Variants in ITGBL1 observed in about 807,000 individuals in gnomAD.
The protein encoded by ITGBL1 is integrin beta-like protein 1.
In ITGBL1, 51 loss-of-function variants were observed where a neutral mutation model predicts 68.5. That is an observed-to-expected ratio of 0.74 (90% CI 0.59 to 0.94). The LOEUF (loss-of-function observed/expected upper bound fraction) is 0.94. Among genes scored for constraint, ITGBL1 ranks in the 40% least tolerant of loss-of-function variants. ITGBL1 has a pLI of 0.00. For synonymous variants in ITGBL1, 209 were observed against 227.3 expected (o/e 0.92, Z 0.72); for missense variants, 649 against 647.4 (o/e 1.00, Z -0.03).
intron 3 of ITGBL1, among the ~76,000 whole-genome samples, chr13:101,570,735 A>G (rs910284599): frequency 1.3e-5 from 2 of 152,182 alleles, no homozygotes; most frequent in Non-Finnish European, 2.9e-5. Flanking sequence ...TATTTAGTCT[A>G]TCCTGTTGGA....
chr13:101,495,466 C>A (rs1279987907), intron 2 of ITGBL1, among the ~76,000 whole-genome samples: 1 of 152,168 alleles, frequency 6.6e-6, no homozygotes, highest in African/African-American at 2.4e-5. Context: ...GTTCTCATCT[C>A]ATCCCCTCAA....
intron 7 of ITGBL1, among the ~76,000 whole-genome samples, chr13:101,669,007 C>A (rs763624812): frequency 5.9e-5 from 9 of 151,802 alleles, no homozygotes; most frequent in Admixed American, 4.6e-4. Context: ...AAATGCTTAC[C>A]TCCTAGGCTT....
intron 7 of ITGBL1, among the ~76,000 whole-genome samples, chr13:101,626,304 C>T (rs2031777270): frequency 1.3e-5 from 2 of 152,152 alleles, no homozygotes; most frequent in African/African-American, 4.8e-5. Flanking sequence ...CATCTTTGAT[C>T]TATTAAGCAC....
downstream of ITGBL1, chr13:101,720,491 G>C (rs2034893934): frequency 6.6e-6 from 1 of 151,474 alleles, no homozygotes; most frequent in African/African-American, 2.4e-5. Context: ...CCAGCAAGTA[G>C]GGCTAATTAT....
chr13:101,602,097 G>A (rs1051287553), intron 7 of ITGBL1, among the ~76,000 whole-genome samples: 3 of 152,044 alleles, frequency 2.0e-5, no homozygotes, highest in Admixed American at 1.3e-4. Flanking sequence ...TTCAATTTCA[G>A]TTCAGTTCAG....
chr13:101,557,271 T>C (rs1052921668), intron 2 of ITGBL1, among the ~76,000 whole-genome samples: 34 of 152,250 alleles, frequency 2.2e-4, no homozygotes, highest in Non-Finnish European at 4.6e-4. Flanking sequence ...TTAAATATCA[T>C]CTCATTACAC....
At chr13:101,720,540 GTGTGTGTGTGTGTGTGTGTGTGTGTATA>G (rs2034901179), downstream of ITGBL1, 1 of 145,136 alleles carries the variant, frequency 6.9e-6, no homozygotes, top group East Asian at 2.0e-4. Flanking sequence ...CTGTGTGTGT[GTGTGTGTGTGTGTGTGTGTGTGTGTATA>G]TGTGTGTGTT....
chr13:101,708,403 A>T (rs1158367134), intron 9 of ITGBL1, among the ~76,000 whole-genome samples: 1 of 152,098 alleles, frequency 6.6e-6, no homozygotes, highest in Non-Finnish European at 1.5e-5. Flanking sequence ...GCTCTGGCTG[A>T]AGCTTCATTT....
At chr13:101,553,718 C>T (rs1594886589) in intron 2 of ITGBL1, among the ~76,000 whole-genome samples, 1 of 151,842 alleles carries the variant, frequency 6.6e-6, no homozygotes, top group Admixed American at 6.6e-5. Context: ...AGACACATTG[C>T]CCCGATCCCT....
intron 7 of ITGBL1, among the ~76,000 whole-genome samples, chr13:101,651,456 C>T (rs1161822613): frequency 6.6e-6 from 1 of 152,150 alleles, no homozygotes; most frequent in East Asian, 1.9e-4. Context: ...TTGTTGGTCG[C>T]ATGAATGTCT....
At chr13:101,485,013 A>C (rs1221943689) in intron 2 of ITGBL1, among the ~76,000 whole-genome samples, 1 of 152,206 alleles carries the variant, frequency 6.6e-6, no homozygotes, top group Non-Finnish European at 1.5e-5. Context: ...ATACAGAGGA[A>C]CGAAAATAAG....
intron 1 of ITGBL1, 34 bp downstream of exon 1, chr13:101,452,965 T>C: frequency 6.4e-7 from 1 of 1,555,000 alleles, no homozygotes; most frequent in Non-Finnish European, 8.9e-7. Flanking sequence ...AGTACAGACC[T>C]GCCCTGCTTA....
At chr13:101,624,249 C>T (rs1268565433) in intron 7 of ITGBL1, among the ~76,000 whole-genome samples, 1 of 152,190 alleles carries the variant, frequency 6.6e-6, no homozygotes, top group Non-Finnish European at 1.5e-5. Flanking sequence ...CGGTTTCTTT[C>T]TGTTCTTGTG....
At chr13:101,663,726 T>C (rs189380459) in intron 7 of ITGBL1, among the ~76,000 whole-genome samples, 7 of 152,322 alleles carry the variant, frequency 4.6e-5, no homozygotes, top group Non-Finnish European at 8.8e-5. Context: ...CTCTAATTAA[T>C]TGTCTCCAGG....
At position 101,453,723 on chromosome 13, in the gene ITGBL1, A is replaced by G. The variant is rs143533386; in HGVS notation, c.99-160A>G. On this transcript the variant is annotated intron_variant, in intron 1 of 10. Transcript: ENST00000376180. Reference sequence around the variant, plus strand: ...TTGCTTGGGAAAATACAGCCCTTCCAGGCAGCGCTTGGACCCCAGAGAGAT... The same window carrying G: ...TTGCTTGGGAAAATACAGCCCTTCCGGGCAGCGCTTGGACCCCAGAGAGAT... 7.6e-3 allele frequency among the ~76,000 whole-genome samples: 1,164 copies of G among 152,224 alleles called. 13 individuals carry two copies. Among genetic ancestry groups the G allele is most frequent in the African/African-American group, 0.027 (1,116 of 41,556 alleles).
chr13:101,494,616 A>G (rs1442056768), intron 2 of ITGBL1, among the ~76,000 whole-genome samples: 1 of 152,232 alleles, frequency 6.6e-6, no homozygotes, highest in Non-Finnish European at 1.5e-5. Flanking sequence ...TGATGGCTAT[A>G]ATAGCCAAGT....
intron 2 of ITGBL1, among the ~76,000 whole-genome samples, chr13:101,514,636 A>G (rs998371626): frequency 2.0e-5 from 3 of 152,066 alleles, no homozygotes; most frequent in Non-Finnish European, 4.4e-5. Context: ...TGAAATTTCC[A>G]TATTTCTCCC....
intron 7 of ITGBL1, among the ~76,000 whole-genome samples, chr13:101,635,892 TAATTC>T (rs975724727): frequency 7.4e-4 from 112 of 152,254 alleles, no homozygotes; most frequent in African/African-American, 2.5e-3. Context: ...AATTGTGGCA[TAATTC>T]AATCAGTATC....
chr13:101,716,466 TCTAC>T (rs2034726677), downstream of ITGBL1: 1 of 152,192 alleles, frequency 6.6e-6, no homozygotes, highest in African/African-American at 2.4e-5. Context: ...AGTATATATA[TCTAC>T]TGATAATTAA....
Sources: gnomAD v4.1 joint callset for allele counts (sites outside exome capture counted in the v4.1 genomes callset) on GRCh38, gnomAD v4.1.1 for gene constraint, MANE v1.5 for transcripts, NCBI Gene and HGNC (gene_info 2026-07-23, HGNC 2026-07-21) for gene names.